MAF: variants seen among roughly 807,000 people sequenced by gnomAD.
MAF encodes the protein transcription factor Maf.
MAF carries 10 observed loss-of-function variants against 22.0 expected under a neutral mutation model. The observed-to-expected ratio is 0.45, with a 90% CI of 0.28 to 0.77. The LOEUF is 0.77. MAF is among the 30% of genes least tolerant of loss of function. The probability of loss-of-function intolerance (pLI) is 0.12; values close to 1 mark genes in which losing one functional copy is unlikely to be tolerated. For missense variants in MAF, 544 were observed against 548.4 expected, an observed-to-expected ratio of 0.99 and a Z score of 0.08; for synonymous variants, 337 against 255.8, an observed-to-expected ratio of 1.32 and a Z score of -3.03.
the MAF span, among the ~76,000 whole-genome samples, chr16:79,399,097 G>C: frequency 6.6e-6 from 1 of 152,326 alleles, no homozygotes; most frequent in African/African-American, 2.4e-5. Context: ...TCCCTGTGAC[G>C]TTGAGAGGCA....
chr16:79,356,285 AG>A, the MAF span, among the ~76,000 whole-genome samples: 2 of 151,978 alleles, frequency 1.3e-5, no homozygotes, highest in Non-Finnish European at 2.9e-5. Flanking sequence ...TCTAAAACCC[AG>A]TTTTTCTTGC....
downstream of MAF, among the ~76,000 whole-genome samples, chr16:79,592,076 C>T (rs776682248): frequency 1.3e-5 from 2 of 152,328 alleles, no homozygotes; most frequent in South Asian, 2.1e-4. Flanking sequence ...GGGATTATTT[C>T]TGGGCCTCCC....
chr16:79,598,757 G>C (rs1275994413), intron 1 of MAF, 28 bp downstream of exon 1: 2 of 1,613,474 alleles, frequency 1.2e-6, no homozygotes, highest in African/African-American at 1.3e-5. Flanking sequence ...TATCAGGGTG[G>C]CTAGCTGGAA....
At chr16:79,372,774 G>T in the MAF span, among the ~76,000 whole-genome samples, 1 of 152,162 alleles carries the variant, frequency 6.6e-6, no homozygotes, top group East Asian at 1.9e-4. Flanking sequence ...GTCTGGTTCA[G>T]CTCCAACCTC....
At chr16:79,548,059 T>A in the MAF span, among the ~76,000 whole-genome samples, 1 of 152,180 alleles carries the variant, frequency 6.6e-6, no homozygotes, top group Non-Finnish European at 1.5e-5. Flanking sequence ...AATAAACATA[T>A]CATGGTTTGA....
the MAF span, among the ~76,000 whole-genome samples, chr16:79,359,293 G>C: frequency 6.6e-6 from 1 of 152,190 alleles, no homozygotes; most frequent in East Asian, 1.9e-4. Context: ...CTCAGGAAGT[G>C]ATGGTGATGT....
the MAF span, among the ~76,000 whole-genome samples, chr16:79,412,539 G>A: frequency 6.6e-6 from 1 of 152,226 alleles, no homozygotes; most frequent in Admixed American, 6.5e-5. Flanking sequence ...GGGCTGTCCT[G>A]TGTATTGCAG....
At chr16:79,438,365 T>A in the MAF span, among the ~76,000 whole-genome samples, 5 of 152,308 alleles carry the variant, frequency 3.3e-5, no homozygotes, top group East Asian at 9.6e-4. Context: ...GCTCTTAGGC[T>A]TCGCCACAAT....
At chr16:79,416,801 G>A in the MAF span, among the ~76,000 whole-genome samples, 1 of 152,236 alleles carries the variant, frequency 6.6e-6, no homozygotes, top group African/African-American at 2.4e-5. Context: ...GAAAGTTGGG[G>A]AAGCCGCTGT....
chr16:79,317,023 G>A, the MAF span, among the ~76,000 whole-genome samples: 2,417 of 152,254 alleles, frequency 0.016, 16 homozygotes, highest in Middle Eastern at 0.044. Flanking sequence ...CATCACACAA[G>A]TAAGAGATGG....
At chr16:79,246,748 A>C in the MAF span, among the ~76,000 whole-genome samples, 1 of 152,116 alleles carries the variant, frequency 6.6e-6, no homozygotes, top group Non-Finnish European at 1.5e-5. Context: ...TGAGTCTAAG[A>C]ATTCAACATT....
At chr16:79,419,654 C>G in the MAF span, among the ~76,000 whole-genome samples, 1 of 152,154 alleles carries the variant, frequency 6.6e-6, no homozygotes, top group African/African-American at 2.4e-5. Context: ...ATGAGAACAG[C>G]CCCACTCAGA....
the MAF span, among the ~76,000 whole-genome samples, chr16:79,231,764 G>A: frequency 0.027 from 4,116 of 152,110 alleles, 490 homozygotes; most frequent in Admixed American, 0.22. Context: ...AGATGGTTTC[G>A]GGATGATTTA....
At chr16:79,576,945 G>C in the MAF span, among the ~76,000 whole-genome samples, 3 of 152,118 alleles carry the variant, frequency 2.0e-5, no homozygotes, top group African/African-American at 2.4e-5. Flanking sequence ...ACTTTTATTA[G>C]AGTGATTTAA....
At chr16:79,251,967 T>C in the MAF span, among the ~76,000 whole-genome samples, 2 of 152,272 alleles carry the variant, frequency 1.3e-5, no homozygotes, top group Non-Finnish European at 2.9e-5. Flanking sequence ...GCCTAATTGA[T>C]AAAACCTTTA....
rs878873480 is a variant in MAF, at chr16:79,599,610, G to C, written c.293C>G (p.Pro98Arg). ...LEDYYWMTGY[P>R]QQLNPEALGF... is the part of the protein sequence containing the mutation. ...CAGCGCCTCGGGGTTCAGCTGCTGC[G>C]GGTAGCCGGTCATCCAGTAGTAGTC... Residue 98 changes from proline (P) to arginine (R), a missense_variant, in exon 1 of 2, where the codon CCG becomes CGG. Around this residue, in one of 5 missense-constraint regions of MAF, gnomAD observed 342 missense variants for 315.5 expected, o/e 1.08. Transcript: ENST00000326043. 3 of 1,610,324 alleles carry C rather than the reference G, an allele frequency of 1.9e-6. No homozygotes were observed. The highest frequency in any genetic ancestry group is 1.1e-5 in the South Asian group (1 of 90,542).
chr16:79,423,245 T>C, the MAF span, among the ~76,000 whole-genome samples: 1 of 152,182 alleles, frequency 6.6e-6, no homozygotes, highest in East Asian at 1.9e-4. Flanking sequence ...TGTCCTGTTT[T>C]TCATTTGCTA....
chr16:79,328,812 C>T, the MAF span, among the ~76,000 whole-genome samples: 2 of 152,206 alleles, frequency 1.3e-5, no homozygotes, highest in Non-Finnish European at 2.9e-5. Context: ...TCCAGCCTCT[C>T]TCTGTCAGAT....
chr16:79,312,744 C>A, the MAF span, among the ~76,000 whole-genome samples: 1 of 152,222 alleles, frequency 6.6e-6, no homozygotes, highest in Non-Finnish European at 1.5e-5. Context: ...GTGCCTGTCT[C>A]CCTTGGAAGA....
Sources: allele counts gnomAD v4.1 joint callset (sites outside exome capture counted in the v4.1 genomes callset), GRCh38; gene constraint gnomAD v4.1.1; regional missense constraint gnomAD v4.1.1; transcripts MANE v1.5; gene names NCBI Gene and HGNC (gene_info 2026-07-23, HGNC 2026-07-21).